CACNA1E: variants seen among roughly 807,000 people sequenced by gnomAD.
CACNA1E encodes calcium voltage-gated channel subunit alpha1 E, also known as voltage-dependent R-type calcium channel subunit alpha-1E.
In CACNA1E, 40 loss-of-function variants were observed where a neutral mutation model predicts 259.2. The observed-to-expected ratio is 0.15, with a 90% CI of 0.12 to 0.20. The LOEUF is 0.20. CACNA1E is among the 10% of genes least tolerant of loss of function. The probability of loss-of-function intolerance (pLI) is 1.00; values close to 1 mark genes in which losing one functional copy is unlikely to be tolerated. For missense variants in CACNA1E, 1,874 were observed against 3,040.1 expected, an observed-to-expected ratio of 0.62 and a Z score of 9.02; for synonymous variants, 1,104 against 1,138.5, an observed-to-expected ratio of 0.97 and a Z score of 0.61.
rs574365155 is a variant in CACNA1E, at chr1:181,594,781, C to A, written c.951+14005C>A. Among the ~76,000 whole-genome samples, 173 of 152,296 alleles carry A rather than the reference C, an allele frequency of 1.1e-3. 1 individual carries two copies. Among genetic ancestry groups the A allele is most frequent in the African/African-American group, 3.8e-3 (158 of 41,556 alleles). ...TGACCTCAGTGAGACTCATTTTCAA[C>A]TTCTATTAATTAGGAACACCAATTC... is the stretch of plus-strand genomic sequence containing the variant. On this transcript the variant is annotated intron_variant, in intron 6 of 47. Coordinates refer to ENST00000367573, the MANE Select transcript of CACNA1E (RefSeq NM_001205293.3).
At chr1:181,725,937 T>C in intron 17 of CACNA1E, 128 bp from the exon 18 acceptor site, 1 of 623,254 alleles carries the variant, frequency 1.6e-6, no homozygotes, top group Non-Finnish European at 2.9e-6. Flanking sequence ...CTCGCTGTCT[T>C]GTTTATCCTC....
intron 2 of CACNA1E, among the ~76,000 whole-genome samples, chr1:181,475,252 T>C (rs1662766898): frequency 6.6e-6 from 1 of 152,248 alleles, no homozygotes; most frequent in South Asian, 2.1e-4. Context: ...ATATGTCCTC[T>C]ACTCCTGAGA....
intron 1 of CACNA1E, among the ~76,000 whole-genome samples, chr1:181,325,397 TGGGAGGGG>T (rs1650693427): frequency 1.3e-5 from 2 of 152,144 alleles, no homozygotes; most frequent in Admixed American, 1.3e-4. Flanking sequence ...TTCACTCACA[TGGGAGGGG>T]TCCTTAGGAA....
At chr1:181,386,799 TAA>T (rs1655883199) in intron 1 of CACNA1E, among the ~76,000 whole-genome samples, 1 of 152,186 alleles carries the variant, frequency 6.6e-6, no homozygotes, top group South Asian at 2.1e-4. Flanking sequence ...CTGCAACTCT[TAA>T]GCCTTCCCCA....
Position 181,571,148 on chromosome 1 carries a change from T to A in CACNA1E, c.513-6618T>A, listed in dbSNP as rs78235727. 2.6e-4 allele frequency among the ~76,000 whole-genome samples: 39 copies of A among 152,292 alleles called. No homozygotes were observed. In the East Asian group the frequency reaches 7.3e-3, roughly 29 times the overall value. On this transcript the variant is annotated intron_variant, in intron 3 of 47. Coordinates refer to ENST00000367573, the MANE Select transcript of CACNA1E (RefSeq NM_001205293.3). ...TTTTTTAATCCTTGTTTTAACTTTC[T>A]TAGGAAGGCACTATCTCCTTTTTCC...
chr1:181,420,000 T>G (rs1658603281), intron 2 of CACNA1E, among the ~76,000 whole-genome samples: 2 of 152,154 alleles, frequency 1.3e-5, no homozygotes, highest in African/African-American at 4.8e-5. Flanking sequence ...AGGGGCAGCC[T>G]GGTCCTTTCC....
chr1:181,366,701 C>G (rs1401700997), intron 1 of CACNA1E, among the ~76,000 whole-genome samples: 1 of 152,098 alleles, frequency 6.6e-6, no homozygotes, highest in Non-Finnish European at 1.5e-5. Flanking sequence ...CTGTGTGACC[C>G]CAGACAACTT....
At chr1:181,769,708 A>G (rs575625382) in intron 35 of CACNA1E, among the ~76,000 whole-genome samples, 6 of 152,378 alleles carry the variant, frequency 3.9e-5, no homozygotes, top group African/African-American at 9.6e-5. Flanking sequence ...TGAGAAAATC[A>G]TAATGAATTC....
chr1:181,584,788 A>G (rs1651888442), intron 6 of CACNA1E, among the ~76,000 whole-genome samples: 1 of 152,162 alleles, frequency 6.6e-6, no homozygotes, highest in Admixed American at 6.5e-5. Flanking sequence ...CACCTCCTCC[A>G]CATTATAGTA....
intron 1 of CACNA1E, among the ~76,000 whole-genome samples, chr1:181,323,318 C>A (rs1050084232): frequency 6.6e-6 from 1 of 152,172 alleles, no homozygotes; most frequent in African/African-American, 2.4e-5. Context: ...ATTATATATT[C>A]TCTGACGCTG....
In CACNA1E at chr1:181,715,378, A is replaced by G; in HGVS notation, c.1212A>G (p.Thr404=). ...CTGAAGAAAATAAAAATGCTGGAACATCCGCCTTAGAAGGTAAGGAAATGT... is the reference window on the plus strand; with the variant it reads ...CTGAAGAAAATAAAAATGCTGGAACGTCCGCCTTAGAAGGTAAGGAAATGT... ...MLAEENKNAG[T]SALEVLRRAT... The change falls in exon 9 of 48, where the codon ACA becomes ACG. Residue 404 remains threonine (T), a synonymous_variant. Transcript: ENST00000367573. The G allele has an allele frequency of 5.6e-6, 9 of 1,596,670 alleles. No homozygotes were observed. Among genetic ancestry groups the G allele is most frequent in the Non-Finnish European group, 7.7e-6 (9 of 1,166,938 alleles).
At chr1:181,681,641 G>A (rs1488422771) in intron 7 of CACNA1E, among the ~76,000 whole-genome samples, 4 of 152,130 alleles carry the variant, frequency 2.6e-5, no homozygotes, top group Non-Finnish European at 5.9e-5. Flanking sequence ...ACAACCCACA[G>A]AATGAAGTAA....
At chr1:181,785,571 A>T in intron 42 of CACNA1E, 142 bp from the exon 43 acceptor site, 1 of 864,156 alleles carries the variant, frequency 1.2e-6, no homozygotes, top group Non-Finnish European at 2.0e-6. Flanking sequence ...ACGTGGAATT[A>T]GAAACCCAGT....
At chr1:181,481,524 C>T (rs530108125), upstream of CACNA1E, among the ~76,000 whole-genome samples, 1 of 152,284 alleles carries the variant, frequency 6.6e-6, no homozygotes, top group African/African-American at 2.4e-5. Context: ...TGAAGCCATA[C>T]TCACCCATGG....
At chr1:181,318,627 T>G (rs1235879205) in intron 1 of CACNA1E, among the ~76,000 whole-genome samples, 1 of 152,116 alleles carries the variant, frequency 6.6e-6, no homozygotes, top group Non-Finnish European at 1.5e-5. Context: ...GGTCCCCGGC[T>G]TCGGGAAGTT....
At chr1:181,488,520 T>C (rs1475002459) in intron 1 of CACNA1E, among the ~76,000 whole-genome samples, 3 of 152,210 alleles carry the variant, frequency 2.0e-5, no homozygotes, top group African/African-American at 7.2e-5. Context: ...GCTTTGCTTT[T>C]GATATGAAGT....
chr1:181,756,180 AC>A, intron 29 of CACNA1E, 87 bp downstream of exon 29: 1 of 1,294,484 alleles, frequency 7.7e-7, no homozygotes, highest in Non-Finnish European at 1.1e-6. Flanking sequence ...AACAAGGCTC[AC>A]GCTTTGTTAT....
rs144171369 is a variant in CACNA1E, at chr1:181,670,046, G to GA, written c.1055+18612dup. Among the ~76,000 whole-genome samples, 198 of 152,132 alleles carry GA rather than the reference G, an allele frequency of 1.3e-3. 2 individuals are homozygous for GA. Among genetic ancestry groups the GA allele is most frequent in the Non-Finnish European group, 2.4e-3 (160 of 67,974 alleles). On this transcript the variant is annotated intron_variant, in intron 7 of 47. Transcript: ENST00000367573. ...CAAAATCTTGGGCTTTTCCAGATTA[G>GA]AAAAAAATATGTTTTTGTTTAAACT...
intron 3 of CACNA1E, among the ~76,000 whole-genome samples, chr1:181,520,827 G>T (rs1377604027): frequency 6.6e-6 from 1 of 152,114 alleles, no homozygotes; most frequent in East Asian, 1.9e-4. Flanking sequence ...ACATTTTCTA[G>T]ATTTCCATTT....
Sources: allele counts gnomAD v4.1 joint callset (sites outside exome capture counted in the v4.1 genomes callset), GRCh38; gene constraint gnomAD v4.1.1; transcripts MANE v1.5; gene names NCBI Gene and HGNC (gene_info 2026-07-23, HGNC 2026-07-21).